POU6F2: variants seen among roughly 807,000 people sequenced by gnomAD.
POU6F2 encodes POU class 6 homeobox 2, also known as POU domain, class 6, transcription factor 2.
POU6F2 carries 31 observed loss-of-function variants against 71.3 expected under a neutral mutation model. That is an observed-to-expected ratio of 0.43 (90% CI 0.33 to 0.59). POU6F2 has a LOEUF of 0.59. Among genes scored for constraint, POU6F2 ranks in the 20% least tolerant of loss-of-function variants. POU6F2 has a pLI of 0.04. For missense variants in POU6F2, 783 were observed against 856.8 expected, an observed-to-expected ratio of 0.91 and a Z score of 1.07; for synonymous variants, 347 against 355.7, an observed-to-expected ratio of 0.98 and a Z score of 0.27.
intron 3 of POU6F2, among the ~76,000 whole-genome samples, chr7:39,205,639 G>A (rs752235165): frequency 2.0e-5 from 3 of 152,130 alleles, no homozygotes; most frequent in Admixed American, 1.3e-4. Flanking sequence ...ATACATTCCC[G>A]AAGTATATTT....
At chr7:39,199,559 C>A (rs532482127) in intron 2 of POU6F2, among the ~76,000 whole-genome samples, 1 of 151,998 alleles carries the variant, frequency 6.6e-6, no homozygotes, top group African/African-American at 2.4e-5. Flanking sequence ...TTATTGGTGA[C>A]GGTTCTTCAG....
At chr7:39,195,238 C>T (rs943282783) in intron 2 of POU6F2, among the ~76,000 whole-genome samples, 4 of 152,184 alleles carry the variant, frequency 2.6e-5, no homozygotes, top group Non-Finnish European at 5.9e-5. Flanking sequence ...ATCACCTGCC[C>T]TTTGCAGACA....
chr7:39,204,359 G>A, intron 3 of POU6F2, 33 bp downstream of exon 3: 1 of 1,550,250 alleles, frequency 6.5e-7, no homozygotes, highest in Non-Finnish European at 8.9e-7. Context: ...CCACTGGGCT[G>A]CATTTAGGAT....
intron 1 of POU6F2, among the ~76,000 whole-genome samples, chr7:39,020,349 T>A (rs1789655790): frequency 6.6e-6 from 1 of 152,334 alleles, no homozygotes; most frequent in South Asian, 2.1e-4. Flanking sequence ...ATACAATAAT[T>A]GTATCATTCA....
At chr7:39,174,457 A>C (rs1793288380) in intron 2 of POU6F2, among the ~76,000 whole-genome samples, 1 of 152,090 alleles carries the variant, frequency 6.6e-6, no homozygotes, top group Non-Finnish European at 1.5e-5. Flanking sequence ...TCTATACCTG[A>C]TTTTCATTGT....
Position 39,464,716 on chromosome 7 carries a change from A to C in POU6F2, c.*30A>C. The C allele has an allele frequency of 6.4e-7, 1 of 1,560,728 alleles. No homozygotes were observed. The highest frequency in any genetic ancestry group is 8.6e-7 in the Non-Finnish European group (1 of 1,156,384). On this transcript the variant is annotated 3_prime_UTR_variant, in exon 10 of 10. Transcript: ENST00000518318. This position sits in a 1 kb window ranked among gnomAD's most constrained non-coding sequence, Gnocchi z 4.1. Reference sequence around the variant, plus strand: ...ATGCCCACCCATAATCAGAAGCAAAATTCACAGAAACTAAACTCCACCCTT... The same window carrying C: ...ATGCCCACCCATAATCAGAAGCAAACTTCACAGAAACTAAACTCCACCCTT...
rs1789031099 is a variant in POU6F2, at chr7:39,464,768, AAATTT to A, written c.*95_*99del. 2 of 1,405,584 alleles carry A rather than the reference AAATTT, an allele frequency of 1.4e-6. No homozygotes were observed. Among genetic ancestry groups the A allele is most frequent in the African/African-American group, 1.5e-5 (1 of 68,770 alleles). 87.1% of individuals were successfully genotyped at this position (1,405,584 alleles called of 1,614,324 possible). On this transcript the variant is annotated 3_prime_UTR_variant, in exon 10 of 10. Coordinates refer to ENST00000518318, the MANE Select transcript of POU6F2 (RefSeq NM_001370959.1). The surrounding 1 kb of genome is among the most constrained non-coding windows in gnomAD (Gnocchi z 4.1). The stretch of plus-strand genomic sequence containing the variant: ...GGACTCCACAACAACAACAACAACA[AAATTT>A]AATTTAATTTAAAAATAGCCCCAGT...
chr7:39,175,336 G>A (rs542286028), intron 2 of POU6F2, among the ~76,000 whole-genome samples: 10 of 152,128 alleles, frequency 6.6e-5, no homozygotes, highest in South Asian at 2.1e-4. Context: ...CCAAAATTTC[G>A]TGCATCAGTA....
intron 2 of POU6F2, among the ~76,000 whole-genome samples, chr7:39,201,376 A>C (rs772003104): frequency 6.6e-6 from 1 of 152,212 alleles, no homozygotes; most frequent in Non-Finnish European, 1.5e-5. Context: ...ATAAGCTAAT[A>C]ATTTAAAGAT....
At chr7:39,268,488 G>A (rs552910996) in intron 4 of POU6F2, among the ~76,000 whole-genome samples, 8 of 152,236 alleles carry the variant, frequency 5.3e-5, no homozygotes, top group African/African-American at 1.9e-4. Flanking sequence ...AGATAGAACT[G>A]CTGTTAAGTT....
chr7:39,033,883 A>G (rs1448334007), intron 1 of POU6F2, among the ~76,000 whole-genome samples: 1 of 152,172 alleles, frequency 6.6e-6, no homozygotes, highest in Non-Finnish European at 1.5e-5. Context: ...CATTTTTCAG[A>G]TGTGGTGCTT....
At chr7:39,078,385 A>G (rs1003634428) in intron 1 of POU6F2, among the ~76,000 whole-genome samples, 1 of 152,220 alleles carries the variant, frequency 6.6e-6, no homozygotes, top group Admixed American at 6.5e-5. Flanking sequence ...AAGGTCTCCA[A>G]AATATTTTAG....
chr7:38,988,014 G>A (rs962679856), intron 1 of POU6F2, among the ~76,000 whole-genome samples: 5 of 152,132 alleles, frequency 3.3e-5, no homozygotes, highest in East Asian at 1.9e-4. Flanking sequence ...AGCTTAAAAC[G>A]GGCTTTTAAG....
intron 2 of POU6F2, among the ~76,000 whole-genome samples, chr7:39,094,616 G>A (rs1342028025): frequency 3.3e-5 from 5 of 152,130 alleles, no homozygotes; most frequent in Non-Finnish European, 7.4e-5. Context: ...CATATGTGGT[G>A]ATTTGTCTTT....
intron 4 of POU6F2, among the ~76,000 whole-genome samples, chr7:39,292,857 G>C (rs1235350325): frequency 6.6e-6 from 1 of 152,088 alleles, no homozygotes; most frequent in Non-Finnish European, 1.5e-5. Context: ...AAGATAATTG[G>C]GTTGGGGGGC....
At chr7:39,414,696 T>TCCATTCTTCTACCCCGCCCC (rs1787633370) in intron 6 of POU6F2, among the ~76,000 whole-genome samples, 1 of 69,918 alleles carries the variant, frequency 1.4e-5, no homozygotes, top group South Asian at 3.9e-4. Flanking sequence ...CGCCCCGCCC[T>TCCATTCTTCTACCCCGCCCC]CCATCCTTCT....
chr7:39,303,259 T>A (rs2128765170), intron 4 of POU6F2, among the ~76,000 whole-genome samples: 1 of 152,288 alleles, frequency 6.6e-6, no homozygotes, highest in East Asian at 1.9e-4. Context: ...GCCATTCTCC[T>A]GCCTTAGCCT....
In POU6F2 at chr7:39,460,861, G is replaced by C; in HGVS notation, c.1658+146G>C. On this transcript the variant is annotated intron_variant, in intron 9 of 9. Coordinates refer to ENST00000518318, the MANE Select transcript of POU6F2 (RefSeq NM_001370959.1). This position sits in a 1 kb window ranked among gnomAD's most constrained non-coding sequence, Gnocchi z 4.4. ...TGGGGGCAGCTATATGTTGGGATTG[G>C]TGATCTTGATGCAAACGACGCTGCT... is the stretch of plus-strand genomic sequence containing the variant. 1 of 1,036,976 alleles carries C rather than the reference G, an allele frequency of 9.6e-7. No individual in the cohort carries two copies. Among genetic ancestry groups the C allele is most frequent in the South Asian group, 2.0e-5 (1 of 50,958 alleles). The allele number at this position is 1,036,976 out of a possible 1,614,324, so 64.2% of individuals were successfully genotyped here.
At chr7:39,331,538 C>T (rs1785648936) in intron 4 of POU6F2, among the ~76,000 whole-genome samples, 2 of 151,924 alleles carry the variant, frequency 1.3e-5, no homozygotes, top group African/African-American at 4.8e-5. Context: ...AATGGAGTCT[C>T]GCTCTGTCAC....
Sources: gnomAD v4.1 joint callset for allele counts (sites outside exome capture counted in the v4.1 genomes callset) on GRCh38, gnomAD v4.1.1 for gene constraint, Gnocchi (gnomAD v3.1) non-coding constraint, MANE v1.5 for transcripts, NCBI Gene and HGNC (gene_info 2026-07-23, HGNC 2026-07-21) for gene names.